The following BLTP2 variants were observed in gnomAD, a reference collection of about 807,000 sequenced individuals.
BLTP2 encodes U937-associated antigen.
At chr17:28,634,198 A>G in the BLTP2 span, 11,673 of 965,506 alleles carry the variant, frequency 0.012, 104 homozygotes, top group Non-Finnish European at 0.015. Context: ...AAGTCAATTG[A>G]GAGAACAAGG....
At chr17:28,633,856 A>T in the BLTP2 span, 2 of 1,608,396 alleles carry the variant, frequency 1.2e-6, no homozygotes, top group East Asian at 2.2e-5. Context: ...CCCATCACAA[A>T]CGTCCCTCAG....
the BLTP2 span, among the ~76,000 whole-genome samples, chr17:28,617,759 A>G: frequency 1.3e-5 from 2 of 151,930 alleles, no homozygotes; most frequent in Non-Finnish European, 2.9e-5. Flanking sequence ...CTGTATCTGT[A>G]TCTTATTTTT....
the BLTP2 span, chr17:28,638,783 A>G: frequency 3.3e-6 from 2 of 611,718 alleles, no homozygotes; most frequent in African/African-American, 3.7e-5. Context: ...CCTAGAAGAT[A>G]AAAGGCTGAA....
the BLTP2 span, chr17:28,628,395 C>CA: frequency 6.2e-7 from 1 of 1,614,208 alleles, no homozygotes; most frequent in South Asian, 1.1e-5. Flanking sequence ...TTAACCCCTT[C>CA]AGGGCCTCAG....
chr17:28,618,569 T>TATGGCATC, the BLTP2 span: 24 of 375,110 alleles, frequency 6.4e-5, no homozygotes, highest in Non-Finnish European at 1.1e-4. Flanking sequence ...ACTCTCCCCC[T>TATGGCATC]ATGGCATCAG....
At chr17:28,633,591 G>A in the BLTP2 span, 1 of 1,614,122 alleles carries the variant, frequency 6.2e-7, no homozygotes, top group South Asian at 1.1e-5. Flanking sequence ...CAATGTCCAT[G>A]TGCCAGTCTC....
the BLTP2 span, chr17:28,628,577 G>A: frequency 6.2e-7 from 1 of 1,608,572 alleles, no homozygotes; most frequent in African/African-American, 1.3e-5. Flanking sequence ...ACAGGAAAAG[G>A]ACTTCAGGGT....
At chr17:28,619,725 C>T in the BLTP2 span, 2 of 1,613,934 alleles carry the variant, frequency 1.2e-6, no homozygotes, top group East Asian at 2.2e-5. Flanking sequence ...GCAACTGAAG[C>T]TTCTGGTTCA....
At chr17:28,639,572 C>A in the BLTP2 span, 1 of 1,614,018 alleles carries the variant, frequency 6.2e-7, no homozygotes, top group Non-Finnish European at 8.5e-7. Context: ...ACAATCATCA[C>A]ACCTGCACAC....
chr17:28,638,148 A>C, the BLTP2 span: 1 of 1,599,416 alleles, frequency 6.3e-7, no homozygotes, highest in South Asian at 1.1e-5. Context: ...ACAGTTTTAT[A>C]ATGCCCTAAT....
the BLTP2 span, among the ~76,000 whole-genome samples, chr17:28,623,547 A>G: frequency 2.0e-5 from 3 of 150,518 alleles, no homozygotes; most frequent in Non-Finnish European, 4.4e-5. Flanking sequence ...CTGAGAAATG[A>G]GAGTTTCTTT....
chr17:28,619,559 C>T, the BLTP2 span: 11 of 1,471,458 alleles, frequency 7.5e-6, 1 homozygote, highest in South Asian at 1.3e-4. Flanking sequence ...TTTGATAATG[C>T]ACACTAGACC....
chr17:28,637,140 G>A, the BLTP2 span: 1 of 1,614,200 alleles, frequency 6.2e-7, no homozygotes, highest in Non-Finnish European at 8.5e-7. Context: ...GCCCAGGATA[G>A]TTAGGGTGTC....
the BLTP2 span, chr17:28,614,788 A>C: frequency 3.9e-6 from 1 of 254,164 alleles, no homozygotes; most frequent in Admixed American, 5.4e-5. Flanking sequence ...CTACCCTTTC[A>C]CTTGACCCCA....
chr17:28,638,268 T>C, the BLTP2 span: 1 of 1,612,162 alleles, frequency 6.2e-7, no homozygotes, highest in East Asian at 2.2e-5. Flanking sequence ...TGTGAAGGAG[T>C]CCAGAACAAG....
At chr17:28,617,361 C>A in the BLTP2 span, 1 of 1,444,432 alleles carries the variant, frequency 6.9e-7, no homozygotes, top group South Asian at 1.2e-5. Flanking sequence ...ATAAACCTTT[C>A]TCAGAAGTCT....
At chr17:28,642,260 T>A in the BLTP2 span, 1 of 1,613,804 alleles carries the variant, frequency 6.2e-7, no homozygotes, top group Non-Finnish European at 8.5e-7. Flanking sequence ...ATCTGAATGA[T>A]CATGGCATAC....
the BLTP2 span, among the ~76,000 whole-genome samples, chr17:28,644,590 T>C: frequency 2.6e-5 from 4 of 152,184 alleles, no homozygotes; most frequent in Non-Finnish European, 4.4e-5. Flanking sequence ...GAAGGCACTT[T>C]GAGGTCAGAC....
the BLTP2 span, chr17:28,616,986 G>A: frequency 6.2e-7 from 1 of 1,612,694 alleles, no homozygotes; most frequent in East Asian, 2.2e-5. This position sits in a 1 kb window ranked among gnomAD's most constrained non-coding sequence, Gnocchi z 4.8. Context: ...GGAGCTCTGG[G>A]GCCGCAGTAC....
Sources: allele counts gnomAD v4.1 joint callset (sites outside exome capture counted in the v4.1 genomes callset), GRCh38; gene constraint gnomAD v4.1.1; non-coding constraint Gnocchi (gnomAD v3.1); transcripts MANE v1.5; gene names NCBI Gene and HGNC (gene_info 2026-07-23, HGNC 2026-07-21).